TRAF3: variants seen among roughly 807,000 people sequenced by gnomAD.
TRAF3 encodes TNF receptor-associated factor 3.
In TRAF3, 13 loss-of-function variants were observed where a neutral mutation model predicts 62.3. The ratio of observed to expected loss-of-function variants is 0.21; its 90% CI spans 0.14 to 0.33. TRAF3 has a LOEUF of 0.33. Among genes scored for constraint, TRAF3 ranks in the 10% least tolerant of loss-of-function variants. TRAF3 has a pLI of 1.00. For synonymous variants in TRAF3, 269 were observed against 283.4 expected (o/e 0.95, Z 0.51); for missense variants, 440 against 741.8 (o/e 0.59, Z 4.73).
In TRAF3 at chr14:102,871,906, T is replaced by C. The variant is rs374684328; in HGVS notation, c.246-11T>C. The C allele has an allele frequency of 1.9e-6, 3 of 1,613,920 alleles. No homozygotes were observed. Among genetic ancestry groups the C allele is most frequent in the Non-Finnish European group, 2.5e-6 (3 of 1,179,906 alleles). ...TTCCACTCTAATGCAGTCACTTGTG[T>C]TTCCCTGCAGCTCTTCAAGTCCAAA... On this transcript the variant is annotated splice_polypyrimidine_tract_variant and intron_variant, in intron 3 of 11. Coordinates refer to ENST00000392745, the MANE Select transcript of TRAF3 (RefSeq NM_145725.3).
intron 1 of TRAF3, among the ~76,000 whole-genome samples, chr14:102,816,454 G>A (rs914436062): frequency 1.3e-4 from 20 of 151,966 alleles, no homozygotes; most frequent in African/African-American, 4.6e-4. Context: ...ATTAAGTGTG[G>A]TTTAAAAAAA....
intron 1 of TRAF3, among the ~76,000 whole-genome samples, chr14:102,811,146 A>T (rs1276702624): frequency 6.6e-6 from 1 of 152,188 alleles, no homozygotes; most frequent in South Asian, 2.1e-4. Flanking sequence ...CATGCATTAT[A>T]CACTTTGTAT....
chr14:102,875,785 T>TC lies in TRAF3; in HGVS notation c.402+59dup, dbSNP rs1595384359. 9 of 1,459,876 alleles carry TC rather than the reference T, an allele frequency of 6.2e-6. No individual in the cohort carries two copies. In the East Asian group the frequency reaches 2.0e-4, roughly 33 times the overall value. The allele number at this position is 1,459,876 out of a possible 1,614,324, so 90.4% of individuals were successfully genotyped here. On this transcript the variant is annotated intron_variant, in intron 5 of 11. Coordinates refer to ENST00000392745, the MANE Select transcript of TRAF3 (RefSeq NM_145725.3). Reference sequence around the variant, plus strand: ...CATGAAGGAATTCGAGTCCCTTACATCCAGCTGATGAAGTGGTCAGTAGGA... The same window carrying TC: ...CATGAAGGAATTCGAGTCCCTTACATCCCAGCTGATGAAGTGGTCAGTAGGA...
At chr14:102,794,091 G>A (rs545932080) in intron 1 of TRAF3, among the ~76,000 whole-genome samples, 1 of 152,300 alleles carries the variant, frequency 6.6e-6, no homozygotes, top group African/African-American at 2.4e-5. Context: ...TCCTAAGGTG[G>A]TTGTGCTTCT....
intron 1 of TRAF3, among the ~76,000 whole-genome samples, chr14:102,778,180 C>A (rs1897110268): frequency 6.6e-6 from 1 of 151,046 alleles, no homozygotes; most frequent in Non-Finnish European, 1.5e-5. Context: ...GACCGCTTGG[C>A]GGGCGGCGCG....
intron 6 of TRAF3, among the ~76,000 whole-genome samples, chr14:102,878,027 A>C (rs1212391677): frequency 2.0e-5 from 3 of 152,254 alleles, no homozygotes; most frequent in Admixed American, 6.5e-5. Flanking sequence ...TTCAGAATTA[A>C]GCTTTGTTTT....
chr14:102,908,424 T>G lies in TRAF3; in HGVS notation c.*2640T>G, dbSNP rs867031266. The G allele has an allele frequency of 6.6e-6, 1 of 152,394 alleles. No individual in the cohort carries two copies. Among genetic ancestry groups the G allele is most frequent in the Admixed American group, 6.5e-5 (1 of 15,288 alleles). 9.4% of individuals were successfully genotyped at this position (152,394 alleles called of 1,614,324 possible). A position where few individuals can be genotyped will look rare whatever the true frequency, so the allele number is the denominator to read the frequency against. On this transcript the variant is annotated 3_prime_UTR_variant, in exon 12 of 12. Transcript: ENST00000392745. ...TCTTCCTCTCATGTACTCAACACAG[T>G]GGGCAGCAGCCTGGGACGGCGTCCC...
At chr14:102,783,139 T>C (rs1180501338) in intron 1 of TRAF3, among the ~76,000 whole-genome samples, 1 of 152,192 alleles carries the variant, frequency 6.6e-6, no homozygotes, top group African/African-American at 2.4e-5. Flanking sequence ...GTCCAGATTC[T>C]GCAAGCCGGG....
intron 4 of TRAF3, 33 bp downstream of exon 4, chr14:102,872,001 CAT>C (rs781570507): frequency 1.9e-5 from 31 of 1,604,230 alleles, no homozygotes; most frequent in East Asian, 6.7e-5. Context: ...CATTTTGTCA[CAT>C]GTTTTCAGCT....
At chr14:102,858,154 C>CT (rs59845933) in intron 2 of TRAF3, among the ~76,000 whole-genome samples, 308 of 145,498 alleles carry the variant, frequency 2.1e-3, no homozygotes, top group Middle Eastern at 7.1e-3. Flanking sequence ...CTCTGTTCTT[C>CT]TTTTTTTTTT....
intron 2 of TRAF3, among the ~76,000 whole-genome samples, chr14:102,853,837 T>TG (rs1887198462): frequency 7.5e-6 from 1 of 133,326 alleles, no homozygotes; most frequent in African/African-American, 2.8e-5. Context: ...AGACTCCGTC[T>TG]AAAAAAAAAA....
In TRAF3 at chr14:102,889,565, T is replaced by C. The variant is rs1889594224; in HGVS notation, c.657T>C (p.Ser219=). Residue 219 remains serine, a synonymous_variant, in exon 8 of 12, where the codon AGT becomes AGC. Coordinates refer to ENST00000392745, the MANE Select transcript of TRAF3 (RefSeq NM_145725.3). The part of the protein sequence containing the change: ...SVQTLLRSEL[S]AHLSECVNAP... ...ACGTCTCTTTCCCGTTGCAGTTGAG[T>C]GCACACTTGTCAGAGTGTGTCAATG... 1 of 1,614,226 alleles carries C rather than the reference T, an allele frequency of 6.2e-7. No homozygotes were observed. The highest frequency in any genetic ancestry group is 8.5e-7 in the Non-Finnish European group (1 of 1,180,032).
intron 1 of TRAF3, among the ~76,000 whole-genome samples, chr14:102,828,027 G>C (rs771152038): frequency 6.6e-6 from 1 of 152,254 alleles, no homozygotes; most frequent in Admixed American, 6.5e-5. Context: ...AGGGGGCGTC[G>C]TAGCGCACAG....
At chr14:102,896,663 C>G (rs2139971762) in intron 9 of TRAF3, among the ~76,000 whole-genome samples, 1 of 152,290 alleles carries the variant, frequency 6.6e-6, no homozygotes, top group Middle Eastern at 3.4e-3. Context: ...TTAGCAAAAA[C>G]TTGAAAAAGC....
At chr14:102,844,217 T>C (rs923273324) in intron 2 of TRAF3, among the ~76,000 whole-genome samples, 2 of 152,270 alleles carry the variant, frequency 1.3e-5, no homozygotes, top group African/African-American at 4.8e-5. Flanking sequence ...TCTGAGTATG[T>C]GATTGTATCA....
intron 4 of TRAF3, 87 bp from the exon 5 acceptor site, chr14:102,875,537 T>TC (rs1457431815): frequency 2.6e-6 from 3 of 1,137,750 alleles, no homozygotes; most frequent in Non-Finnish European, 3.9e-6. Context: ...TGTTTTTTTT[T>TC]TTTAAGTGGT....
intron 1 of TRAF3, among the ~76,000 whole-genome samples, chr14:102,800,453 C>G (rs980700181): frequency 6.6e-6 from 1 of 152,116 alleles, no homozygotes; most frequent in African/African-American, 2.4e-5. Context: ...TGAACTTGAC[C>G]AAGTTATTTG....
chr14:102,781,443 C>G (rs1897268539), intron 1 of TRAF3, among the ~76,000 whole-genome samples: 1 of 152,072 alleles, frequency 6.6e-6, no homozygotes, highest in South Asian at 2.1e-4. Flanking sequence ...TTTGCTGTCC[C>G]TACCATTTTT....
At chr14:102,835,909 A>C (rs1885970553) in intron 2 of TRAF3, among the ~76,000 whole-genome samples, 1 of 152,190 alleles carries the variant, frequency 6.6e-6, no homozygotes, top group African/African-American at 2.4e-5. Flanking sequence ...CCTAAAATAA[A>C]AGTAAAAAAA....
Sources: allele counts gnomAD v4.1 joint callset (sites outside exome capture counted in the v4.1 genomes callset), GRCh38; gene constraint gnomAD v4.1.1; transcripts MANE v1.5; gene names NCBI Gene and HGNC (gene_info 2026-07-23, HGNC 2026-07-21).